The following CHRM3 variants were observed in gnomAD, a reference collection of about 807,000 sequenced individuals.
CHRM3 encodes muscarinic acetylcholine receptor M3.
Under a neutral mutation model 41.8 loss-of-function variants are expected in CHRM3, and 11 were observed. That is an observed-to-expected ratio of 0.26 (90% CI 0.17 to 0.44). The LOEUF is 0.44. Ranked by LOEUF, CHRM3 falls within the 20% of genes least tolerant of loss-of-function variation. The pLI is 1.00. For missense variants in CHRM3, 571 were observed against 745.4 expected (o/e 0.77, Z 2.72); for synonymous variants, 297 against 301.4 (o/e 0.99, Z 0.15).
intron 5 of CHRM3, among the ~76,000 whole-genome samples, chr1:239,803,622 A>T (rs915874794): frequency 2.0e-5 from 3 of 152,202 alleles, no homozygotes; most frequent in African/African-American, 7.2e-5. Context: ...ATGTTCGAAG[A>T]TCTGATCATG....
intron 4 of CHRM3, among the ~76,000 whole-genome samples, chr1:239,641,024 C>G (rs999168249): frequency 7.2e-5 from 11 of 151,956 alleles, no homozygotes; most frequent in Admixed American, 6.6e-4. Context: ...TCGTTATGTA[C>G]CCAGTAGTCA....
At chr1:239,407,793 A>C (rs1055733805) in intron 1 of CHRM3, among the ~76,000 whole-genome samples, 3 of 152,152 alleles carry the variant, frequency 2.0e-5, no homozygotes, top group African/African-American at 7.2e-5. Flanking sequence ...GTTTCTAATT[A>C]AAAAAAATTA....
chr1:239,735,066 T>C (rs1248357418), intron 5 of CHRM3, among the ~76,000 whole-genome samples: 1 of 152,124 alleles, frequency 6.6e-6, no homozygotes. Flanking sequence ...TGCCGATTTT[T>C]GTGAGGAGAA....
intron 2 of CHRM3, among the ~76,000 whole-genome samples, chr1:239,494,195 T>C (rs1667735908): frequency 6.6e-6 from 1 of 152,184 alleles, no homozygotes; most frequent in Non-Finnish European, 1.5e-5. Context: ...TTCCTGGTTG[T>C]TGCTATGGTA....
chr1:239,777,130 A>G (rs1004503787), intron 5 of CHRM3, among the ~76,000 whole-genome samples: 1 of 152,312 alleles, frequency 6.6e-6, no homozygotes, highest in African/African-American at 2.4e-5. Flanking sequence ...ACTCTGTGCT[A>G]TTCTAGAAAA....
intron 1 of CHRM3, among the ~76,000 whole-genome samples, chr1:239,392,544 G>A (rs372249298): frequency 6.6e-6 from 1 of 152,166 alleles, no homozygotes; most frequent in Non-Finnish European, 1.5e-5. Context: ...GATATCCGCC[G>A]ACTACTGCTG....
chr1:239,631,341 A>G (rs1048573578), intron 3 of CHRM3, among the ~76,000 whole-genome samples: 1 of 152,018 alleles, frequency 6.6e-6, no homozygotes, highest in Admixed American at 6.6e-5. Context: ...ATCCCTCCAC[A>G]TGCACCTCTA....
At chr1:239,733,504 C>T (rs1249010480) in intron 5 of CHRM3, among the ~76,000 whole-genome samples, 1 of 151,908 alleles carries the variant, frequency 6.6e-6, no homozygotes, top group Non-Finnish European at 1.5e-5. Context: ...CATTACTATA[C>T]TTATTTAGTT....
chr1:239,470,702 C>T (rs958778816), intron 1 of CHRM3, among the ~76,000 whole-genome samples: 1 of 152,212 alleles, frequency 6.6e-6, no homozygotes, highest in Admixed American at 6.5e-5. Context: ...TCTGTCTAGC[C>T]AACTGCATTG....
chr1:239,668,434 C>G (rs556352656), intron 4 of CHRM3, among the ~76,000 whole-genome samples: 1 of 152,256 alleles, frequency 6.6e-6, no homozygotes, highest in South Asian at 2.1e-4. Context: ...TCTCGAACCT[C>G]TTTTCCTTTA....
At position 239,393,424 on chromosome 1, in the gene CHRM3, C is replaced by T. The variant is rs540499044; in HGVS notation, c.-521+6197C>T. The stretch of plus-strand genomic sequence containing the variant: ...AAGAAGTTCTCATACTTGAAATAGA[C>T]GTGATGATCCTCCTGCCGTGTTTCC... On this transcript the variant is annotated intron_variant, in intron 1 of 6. Transcript: ENST00000676153. 1.1e-4 allele frequency among the ~76,000 whole-genome samples: 16 copies of T among 152,256 alleles called. 1 individual carries two copies. The highest frequency in any genetic ancestry group is 3.9e-4 in the East Asian group (2 of 5,174).
At chr1:239,407,681 C>CTAAAT (rs1388274176) in intron 1 of CHRM3, among the ~76,000 whole-genome samples, 1 of 152,032 alleles carries the variant, frequency 6.6e-6, no homozygotes, top group Admixed American at 6.6e-5. Context: ...GAACAATGAA[C>CTAAAT]TAAATTAGCA....
intron 5 of CHRM3, among the ~76,000 whole-genome samples, chr1:239,810,662 AG>A (rs1414176441): frequency 2.6e-5 from 4 of 152,272 alleles, no homozygotes; most frequent in African/African-American, 4.8e-5. Flanking sequence ...TTAAATTCAG[AG>A]TAATTATAAT....
intron 5 of CHRM3, among the ~76,000 whole-genome samples, chr1:239,721,873 A>G (rs760168013): frequency 1.3e-5 from 2 of 151,908 alleles, no homozygotes; most frequent in Non-Finnish European, 2.9e-5. Flanking sequence ...AAAAATAAAT[A>G]TTGCAGCAGG....
intron 3 of CHRM3, among the ~76,000 whole-genome samples, chr1:239,624,474 C>G (rs200853650): frequency 0.2 from 22,997 of 115,942 alleles, 3,113 homozygotes; most frequent in East Asian, 0.51. Flanking sequence ...ATGGTAGTTT[C>G]TTTTGCTGTG....
chr1:239,437,597 C>T (rs1572295558), intron 1 of CHRM3, among the ~76,000 whole-genome samples: 2 of 152,218 alleles, frequency 1.3e-5, no homozygotes, highest in Admixed American at 1.3e-4. Flanking sequence ...AGTGCAATGG[C>T]ACGATCTCGG....
intron 1 of CHRM3, among the ~76,000 whole-genome samples, chr1:239,416,088 C>A (rs143609787): frequency 6.6e-6 from 1 of 152,206 alleles, no homozygotes; most frequent in African/African-American, 2.4e-5. Flanking sequence ...GTGGGGAAGC[C>A]AAATTTGATC....
At chr1:239,744,977 A>G (rs915689495) in intron 5 of CHRM3, among the ~76,000 whole-genome samples, 4 of 152,126 alleles carry the variant, frequency 2.6e-5, no homozygotes, top group Non-Finnish European at 4.4e-5. Flanking sequence ...GTGCAAGGAC[A>G]TGGAGCAAGG....
chr1:239,576,594 G>GCACACACACACACGCA (rs1553331607), intron 3 of CHRM3, among the ~76,000 whole-genome samples: 1 of 141,682 alleles, frequency 7.1e-6, no homozygotes, highest in Non-Finnish European at 1.5e-5. Context: ...ACACACACAC[G>GCACACACACACACGCA]CACACACACA....
Sources: allele counts gnomAD v4.1 joint callset (sites outside exome capture counted in the v4.1 genomes callset), GRCh38; gene constraint gnomAD v4.1.1; transcripts MANE v1.5; gene names NCBI Gene and HGNC (gene_info 2026-07-23, HGNC 2026-07-21).